Variants in NPR2 observed in about 807,000 individuals in gnomAD.
The protein encoded by NPR2 is natriuretic peptide receptor 2.
A neutral mutation model predicts 120.7 loss-of-function variants in NPR2; 49 were observed. That is an observed-to-expected ratio of 0.41 (90% CI 0.32 to 0.52). The LOEUF (loss-of-function observed/expected upper bound fraction) is 0.52, where lower values mean the gene tolerates loss of function less well. Ranked by LOEUF, NPR2 falls within the 20% of genes least tolerant of loss-of-function variation. The pLI is 0.36. For synonymous variants in NPR2, 484 were observed against 519.8 expected (o/e 0.93, Z 0.94); for missense variants, 931 against 1,362.9 (o/e 0.68, Z 4.99).
Position 35,808,743 on chromosome 9 carries a change from T to G in NPR2, c.2888-12T>G. The G allele has an allele frequency of 6.2e-7, 1 of 1,613,102 alleles. No individual in the cohort carries two copies. Among genetic ancestry groups the G allele is most frequent in the East Asian group, 2.2e-5 (1 of 44,874 alleles). ...CCTTTCCCAGACTCTCCCAACCTGTTTCTTCTCAAAGGGCCAGTCTGTGCT... is the reference window on the plus strand; with the variant it reads ...CCTTTCCCAGACTCTCCCAACCTGTGTCTTCTCAAAGGGCCAGTCTGTGCT... On this transcript the variant is annotated splice_polypyrimidine_tract_variant and intron_variant, in intron 19 of 21. Coordinates refer to ENST00000342694, the MANE Select transcript of NPR2 (RefSeq NM_003995.4). This position sits in a 1 kb window ranked among gnomAD's most constrained non-coding sequence, Gnocchi z 4.0.
At position 35,805,751 on chromosome 9, in the gene NPR2, A is replaced by C. The variant is rs988948645; in HGVS notation, c.2048-79A>C. The C allele has an allele frequency of 2.5e-6, 4 of 1,607,574 alleles. No individual in the cohort carries two copies. Among genetic ancestry groups the C allele is most frequent in the Admixed American group, 3.3e-5 (2 of 59,996 alleles). ...TGGTGGGAGAGGGAGGTGGAGTGAC[A>C]GTAATATAGGGATGAGCCCAGGTGG... On this transcript the variant is annotated intron_variant, in intron 13 of 21. Coordinates refer to ENST00000342694, the MANE Select transcript of NPR2 (RefSeq NM_003995.4). The surrounding 1 kb of genome is among the most constrained non-coding windows in gnomAD (Gnocchi z 4.9).
intron 2 of NPR2, among the ~76,000 whole-genome samples, chr9:35,799,240 C>T (rs61758522): frequency 3.9e-5 from 6 of 152,086 alleles, no homozygotes; most frequent in East Asian, 1.9e-4. Flanking sequence ...ACAGAGGAGC[C>T]GTGTGAGCTG....
In NPR2 at chr9:35,793,957, G is replaced by A; in HGVS notation, c.727G>A (p.Glu243Lys). The change falls in exon 2 of 22, where the codon GAG (glutamate) becomes AAG (lysine). Residue 243 changes from glutamate to lysine, a missense_variant. Physicochemically the swap from Glu to Lys is moderately conservative, Grantham distance 56. Around this residue, in one of 3 missense-constraint regions of NPR2, gnomAD observed 681 missense variants for 974.3 expected, o/e 0.70. Coordinates refer to ENST00000342694, the MANE Select transcript of NPR2 (RefSeq NM_003995.4). Reference sequence around the variant, plus strand: ...TGAGATCCTGCTTCAGGCCCAGAGGGAGAATCTGACCAATGGGGATTATGT... The same window carrying A: ...TGAGATCCTGCTTCAGGCCCAGAGGAAGAATCTGACCAATGGGGATTATGT... ...LHEILLQAQR[E>K]NLTNGDYVFF... 1 of 1,614,188 alleles carries A rather than the reference G, an allele frequency of 6.2e-7. No homozygotes were observed. The highest frequency in any genetic ancestry group is 1.1e-5 in the South Asian group (1 of 91,080).
chr9:35,806,239 A>C lies in NPR2; in HGVS notation c.2372+6A>C, dbSNP rs1828375357. The C allele has an allele frequency of 6.2e-7, 1 of 1,613,970 alleles. No individual in the cohort carries two copies. The highest frequency in any genetic ancestry group is 8.5e-7 in the Non-Finnish European group (1 of 1,180,014). ...TTCATTCGGCGCTTTAACAAGTGAG[A>C]GGGCATTATGGGGCAGGGGCTTCCC... is the stretch of plus-strand genomic sequence containing the variant. On this transcript the variant is annotated splice_donor_region_variant and intron_variant, in intron 15 of 21. Transcript: ENST00000342694. The surrounding 1 kb of genome is among the most constrained non-coding windows in gnomAD (Gnocchi z 4.6).
intron 3 of NPR2, 110 bp from the exon 4 acceptor site, chr9:35,799,912 G>C (rs1431154171): frequency 1.3e-6 from 2 of 1,535,338 alleles, no homozygotes; most frequent in Non-Finnish European, 1.8e-6. Context: ...TTAGGAATAA[G>C]AGGGAAGAAA....
At chr9:35,799,566 A>G in intron 2 of NPR2, 52 bp from the exon 3 acceptor site, 4 of 1,289,422 alleles carry the variant, frequency 3.1e-6, no homozygotes, top group Non-Finnish European at 4.5e-6. Flanking sequence ...TTCTCTTCCC[A>G]TAATGCCTAT....
Position 35,809,050 on chromosome 9 carries a change from C to T in NPR2, c.2987-106C>T. The T allele has an allele frequency of 8.5e-7, 1 of 1,173,618 alleles. No homozygotes were observed. The highest frequency in any genetic ancestry group is 1.7e-5 in the Admixed American group (1 of 59,464). The allele number at this position is 1,173,618 out of a possible 1,614,324, so 72.7% of individuals were successfully genotyped here. Reference sequence around the variant, plus strand: ...CCTAATAGATATGCATTGGGAGCTTCCCAGGGATGGTTGGTCGGGCACGGT... The same window carrying T: ...CCTAATAGATATGCATTGGGAGCTTTCCAGGGATGGTTGGTCGGGCACGGT... On this transcript the variant is annotated intron_variant, in intron 20 of 21. Coordinates refer to ENST00000342694, the MANE Select transcript of NPR2 (RefSeq NM_003995.4). This position sits in a 1 kb window ranked among gnomAD's most constrained non-coding sequence, Gnocchi z 4.1.
At position 35,799,645 on chromosome 9, in the gene NPR2, C is replaced by A; in HGVS notation, c.901C>A (p.Pro301Thr). The A allele has an allele frequency of 6.2e-7, 1 of 1,614,010 alleles. No homozygotes were observed. The highest frequency in any genetic ancestry group is 8.5e-7 in the Non-Finnish European group (1 of 1,179,922). The change falls in exon 3 of 22, where the codon CCC (proline) becomes ACC (threonine). Residue 301 changes from proline (P) to threonine (T), a missense_variant. By Grantham distance (38) the Pro-to-Thr change is conservative. Around this residue, in one of 3 missense-constraint regions of NPR2, gnomAD observed 681 missense variants for 974.3 expected, o/e 0.70. Coordinates refer to ENST00000342694, the MANE Select transcript of NPR2 (RefSeq NM_003995.4). ...TGTATTGGTGATCACGTACCGAGAACCCCCAAATCCTGAGTATCAGGAATT... is the reference window on the plus strand; with the variant it reads ...TGTATTGGTGATCACGTACCGAGAAACCCCAAATCCTGAGTATCAGGAATT... ...QTVLVITYRE[P>T]PNPEYQEFQN...
Position 35,805,995 on chromosome 9 carries a change from A to G in NPR2, c.2203+10A>G, listed in dbSNP as rs1828360813. The G allele has an allele frequency of 6.2e-7, 1 of 1,614,058 alleles. No homozygotes were observed. The highest frequency in any genetic ancestry group is 1.3e-5 in the African/African-American group (1 of 74,918). ...GACCTCAGCCCCAAAGGTAAGAGTC[A>G]ATCCACTACCCACAGCCTCTTCTTC... On this transcript the variant is annotated intron_variant, in intron 14 of 21. Coordinates refer to ENST00000342694, the MANE Select transcript of NPR2 (RefSeq NM_003995.4). The surrounding 1 kb of genome is among the most constrained non-coding windows in gnomAD (Gnocchi z 4.9).
chr9:35,792,323 G>T lies in NPR2; in HGVS notation c.-86G>T. On this transcript the variant is annotated 5_prime_UTR_variant, in exon 1 of 22. Coordinates refer to ENST00000342694, the MANE Select transcript of NPR2 (RefSeq NM_003995.4). ...TCCTCTTCCTGGCCCTCTTCCCCAG[G>T]CTCCAGGCTGGGGGGTGCTCGCGTC... 1 of 1,419,964 alleles carries T rather than the reference G, an allele frequency of 7.0e-7. No individual in the cohort carries two copies. The highest frequency in any genetic ancestry group is 9.5e-7 in the Non-Finnish European group (1 of 1,052,546). The allele number at this position is 1,419,964 out of a possible 1,614,324, so 88.0% of individuals were successfully genotyped here.
rs772142342 is a variant in NPR2, at chr9:35,792,492, G to C, written c.84G>C (p.Ala28=). Residue 28 remains alanine, a synonymous_variant, in exon 1 of 22, where the codon GCG becomes GCC. Coordinates refer to ENST00000342694, the MANE Select transcript of NPR2 (RefSeq NM_003995.4). ...RPPGARNLTL[A]VVLPEHNLSY... ...CCGGGGCGCGGAACCTGACGCTGGCGGTGGTGCTGCCAGAACACAACCTGA... is the reference window on the plus strand; with the variant it reads ...CCGGGGCGCGGAACCTGACGCTGGCCGTGGTGCTGCCAGAACACAACCTGA... The C allele has an allele frequency of 4.3e-6, 7 of 1,610,494 alleles. No homozygotes were observed. The highest frequency in any genetic ancestry group is 5.9e-6 in the Non-Finnish European group (7 of 1,179,892).
In NPR2 at chr9:35,805,827, C is replaced by T; in HGVS notation, c.2048-3C>T. The T allele has an allele frequency of 3.7e-6, 6 of 1,614,126 alleles. No individual in the cohort carries two copies. The highest frequency in any genetic ancestry group is 5.1e-6 in the Non-Finnish European group (6 of 1,180,006). ...ACCTGGCCAGCCGGTTTCCTCTTTTCAGAGAAGCTGTGGACTGCCCCAGAA... is the reference window on the plus strand; with the variant it reads ...ACCTGGCCAGCCGGTTTCCTCTTTTTAGAGAAGCTGTGGACTGCCCCAGAA... On this transcript the variant is annotated splice_polypyrimidine_tract_variant and splice_region_variant and intron_variant, in intron 13 of 21. Transcript: ENST00000342694. This position sits in a 1 kb window ranked among gnomAD's most constrained non-coding sequence, Gnocchi z 4.9.
rs556398332 is a variant in NPR2, at chr9:35,808,798, T to C, written c.2931T>C (p.Tyr977=). ...TTGTTGGCCTGAAGATGCCCCGTTA[T>C]TGTCTTTTTGGAGACACAGTGAACA... The part of the protein sequence containing the change: ...AGVVGLKMPR[Y]CLFGDTVNTA... Residue 977 remains tyrosine, a synonymous_variant, in exon 20 of 22, where the codon TAT becomes TAC. Coordinates refer to ENST00000342694, the MANE Select transcript of NPR2 (RefSeq NM_003995.4). The surrounding 1 kb of genome is among the most constrained non-coding windows in gnomAD (Gnocchi z 4.0). 1.9e-6 allele frequency: 3 copies of C among 1,613,912 alleles called. No individual in the cohort carries two copies. Among genetic ancestry groups the C allele is most frequent in the East Asian group, 2.2e-5 (1 of 44,880 alleles).
Position 35,806,122 on chromosome 9 carries a change from G to T in NPR2, c.2261G>T (p.Arg754Leu). Residue 754 changes from arginine to leucine, a missense_variant, in exon 15 of 22, where the codon CGG (arginine) becomes CTG (leucine). By Grantham distance (102) the Arg-to-Leu change is moderately radical. Transcript: ENST00000342694. The surrounding 1 kb of genome is among the most constrained non-coding windows in gnomAD (Gnocchi z 4.6). ...CCATATTTCCGGCCAAGCATTGACC[G>T]GACCCAACTGAATGAAGAGCTAGTT... ...QRPYFRPSID[R>L]TQLNEELVLL... is the part of the protein sequence containing the mutation. 1 of 1,614,186 alleles carries T rather than the reference G, an allele frequency of 6.2e-7. No individual in the cohort carries two copies. The highest frequency in any genetic ancestry group is 8.5e-7 in the Non-Finnish European group (1 of 1,180,042).
At chr9:35,799,994 A>G (rs765893823) in intron 3 of NPR2, 28 bp from the exon 4 acceptor site, 33 of 1,613,114 alleles carry the variant, frequency 2.0e-5, no homozygotes, top group Non-Finnish European at 2.5e-5. Context: ...GGACATTTGG[A>G]GAGTACTGCT....
At position 35,806,561 on chromosome 9, in the gene NPR2, G is replaced by C. The variant is rs772509106; in HGVS notation, c.2519+23G>C. ...CCAGTGAGACTTTGTCCCCCTTCCTGTATTTTCTTTTGGGATTCTGCTCTG... is the reference window on the plus strand; with the variant it reads ...CCAGTGAGACTTTGTCCCCCTTCCTCTATTTTCTTTTGGGATTCTGCTCTG... On this transcript the variant is annotated intron_variant, in intron 16 of 21. Coordinates refer to ENST00000342694, the MANE Select transcript of NPR2 (RefSeq NM_003995.4). The surrounding 1 kb of genome is among the most constrained non-coding windows in gnomAD (Gnocchi z 4.6). 3 of 1,614,022 alleles carry C rather than the reference G, an allele frequency of 1.9e-6. No homozygotes were observed. The East Asian group carries it at 6.7e-5, about 36-fold the overall frequency.
rs773464761 is a variant in NPR2, at chr9:35,807,359, C to T, written c.2673C>T (p.Thr891=). The T allele has an allele frequency of 2.5e-6, 4 of 1,613,672 alleles. No individual in the cohort carries two copies. Among genetic ancestry groups the T allele is most frequent in the African/African-American group, 1.3e-5 (1 of 74,970 alleles). Residue 891 remains threonine (T), a synonymous_variant, in exon 18 of 22, where the codon ACC becomes ACT. Transcript: ENST00000342694. The part of the protein sequence containing the change: ...QVVTLLNDLY[T]CFDAIIDNFD... ...TGACACTTCTTAATGACCTGTATAC[C>T]TGCTTTGATGCCATAATTGACAACT... is the stretch of plus-strand genomic sequence containing the variant.
At chr9:35,797,564 T>G (rs981224193) in intron 2 of NPR2, among the ~76,000 whole-genome samples, 2 of 152,138 alleles carry the variant, frequency 1.3e-5, no homozygotes, top group Non-Finnish European at 2.9e-5. Context: ...CTCCTGAGGG[T>G]GCACATTTCC....
chr9:35,795,814 T>G (rs1563984965), intron 2 of NPR2, among the ~76,000 whole-genome samples: 1 of 152,220 alleles, frequency 6.6e-6, no homozygotes, highest in Non-Finnish European at 1.5e-5. Context: ...ACTCTTTTGC[T>G]TAACTCCATC....
Sources: allele counts gnomAD v4.1 joint callset (sites outside exome capture counted in the v4.1 genomes callset), GRCh38; gene constraint gnomAD v4.1.1; regional missense constraint gnomAD v4.1.1; non-coding constraint Gnocchi (gnomAD v3.1); transcripts MANE v1.5; gene names NCBI Gene and HGNC (gene_info 2026-07-23, HGNC 2026-07-21).